The following NHSL1 variants were observed in gnomAD, a reference collection of about 807,000 sequenced individuals.
NHSL1 encodes the protein NHS-like protein 1.
A neutral mutation model predicts 95.0 loss-of-function variants in NHSL1; 48 were observed. The observed-to-expected ratio is 0.51, with a 90% CI of 0.40 to 0.64. The LOEUF (loss-of-function observed/expected upper bound fraction) is 0.64, where lower values mean the gene tolerates loss of function less well. Ranked by LOEUF, NHSL1 falls within the 30% of genes least tolerant of loss-of-function variation. The pLI, the probability that NHSL1 is intolerant of heterozygous loss-of-function variation, is 0.00. For synonymous variants in NHSL1, 783 were observed against 833.9 expected (o/e 0.94, Z 1.05); for missense variants, 1,971 against 2,077.7 (o/e 0.95, Z 1.00).
chr6:138,578,585 A>C (rs1048401891), intron 1 of NHSL1, among the ~76,000 whole-genome samples: 1 of 152,214 alleles, frequency 6.6e-6, no homozygotes, highest in African/African-American at 2.4e-5. Context: ...ATAAAATTCC[A>C]AATAAATAAC....
At chr6:138,563,389 C>T (rs929728670) in intron 1 of NHSL1, among the ~76,000 whole-genome samples, 2 of 152,110 alleles carry the variant, frequency 1.3e-5, no homozygotes, top group South Asian at 2.1e-4. Flanking sequence ...TGAAGGATTA[C>T]GTAAAGGAAG....
intron 3 of NHSL1, chr6:138,464,361 T>G (rs757714444): frequency 1.4e-5 from 7 of 490,434 alleles, no homozygotes; most frequent in Non-Finnish European, 2.6e-5. Context: ...TTGCAGGTGG[T>G]CGCCATCGCT....
intron 1 of NHSL1, chr6:138,691,847 A>C: frequency 2.2e-6 from 1 of 454,538 alleles, no homozygotes; most frequent in Non-Finnish European, 4.4e-6. Context: ...GCCTGAACTC[A>C]AGGTCAACGT....
At chr6:138,429,895 TC>T in intron 6 of NHSL1, 52 bp from the exon 7 acceptor site, 1 of 1,517,098 alleles carries the variant, frequency 6.6e-7, no homozygotes, top group South Asian at 1.3e-5. Context: ...GGAATTTCAG[TC>T]CTCAGCCAAG....
chr6:138,671,520 G>C lies in NHSL1; in HGVS notation c.96+20956C>G, dbSNP rs373385467. ...AGAAGTAAACCAAGAAAGTGATTAG[G>C]GGAGACAGGCATCAGAAGAGAAAGG... On this transcript the variant is annotated intron_variant, in intron 1 of 3. Transcript: ENST00000491526. Among the ~76,000 whole-genome samples, 6 of 152,014 alleles carry C rather than the reference G, an allele frequency of 3.9e-5. No homozygotes were observed. In the East Asian group the frequency reaches 9.7e-4, roughly 25 times the overall value.
chr6:138,598,087 G>T (rs1463583179), intron 1 of NHSL1, among the ~76,000 whole-genome samples: 1 of 152,024 alleles, frequency 6.6e-6, no homozygotes, highest in Admixed American at 6.5e-5. Context: ...GATCATAGGA[G>T]CCAGGAGTTC....
chr6:138,642,824 G>A (rs865796279), intron 1 of NHSL1, among the ~76,000 whole-genome samples: 12 of 152,102 alleles, frequency 7.9e-5, no homozygotes, highest in African/African-American at 2.4e-4. Context: ...AGATAAGGGC[G>A]GTGGGTCGCT....
At chr6:138,454,206 T>TGTGTGC (rs1427621388) in intron 3 of NHSL1, among the ~76,000 whole-genome samples, 11 of 152,122 alleles carry the variant, frequency 7.2e-5, no homozygotes, top group Non-Finnish European at 1.0e-4. Flanking sequence ...TGTGTGTGCG[T>TGTGTGC]GCGTGCATAA....
intron 1 of NHSL1, among the ~76,000 whole-genome samples, chr6:138,519,118 G>C (rs534724343): frequency 6.6e-6 from 1 of 151,690 alleles, no homozygotes. Flanking sequence ...CATCTAATGG[G>C]AAAATATAAC....
At chr6:138,677,025 C>T (rs1785458000) in intron 1 of NHSL1, among the ~76,000 whole-genome samples, 1 of 152,210 alleles carries the variant, frequency 6.6e-6, no homozygotes, top group Non-Finnish European at 1.5e-5. Flanking sequence ...TTATACTGTA[C>T]TAACAGCTAA....
chr6:138,446,895 CA>C, intron 4 of NHSL1, 105 bp downstream of exon 4: 13 of 993,384 alleles, frequency 1.3e-5, no homozygotes, highest in Non-Finnish European at 2.0e-5. Context: ...AGTTGGACCA[CA>C]GCTATTCACC....
At chr6:138,625,920 G>C (rs1784731854) in intron 1 of NHSL1, among the ~76,000 whole-genome samples, 1 of 152,184 alleles carries the variant, frequency 6.6e-6, no homozygotes, top group Admixed American at 6.5e-5. Flanking sequence ...TGGGAATACA[G>C]GTGTGACCCA....
At chr6:138,529,725 C>A (rs1782057277) in intron 1 of NHSL1, among the ~76,000 whole-genome samples, 1 of 152,224 alleles carries the variant, frequency 6.6e-6, no homozygotes, top group Non-Finnish European at 1.5e-5. Context: ...ACTGACTCCT[C>A]ACCCACAGAA....
chr6:138,467,244 C>T (rs897311867), intron 3 of NHSL1, among the ~76,000 whole-genome samples: 3 of 152,004 alleles, frequency 2.0e-5, no homozygotes, highest in African/African-American at 7.2e-5. Flanking sequence ...GCTCCGCCCC[C>T]CGGGTTCACG....
At chr6:138,551,593 A>G (rs1313384184) in intron 1 of NHSL1, among the ~76,000 whole-genome samples, 1 of 152,196 alleles carries the variant, frequency 6.6e-6, no homozygotes, top group South Asian at 2.1e-4. Context: ...TTTCACCAGT[A>G]TTCTGAATCT....
At chr6:138,583,520 G>A (rs1054856887) in intron 1 of NHSL1, among the ~76,000 whole-genome samples, 7 of 152,114 alleles carry the variant, frequency 4.6e-5, no homozygotes, top group African/African-American at 1.4e-4. Context: ...GAGAGATGCT[G>A]CGCTTCACCC....
intron 4 of NHSL1, among the ~76,000 whole-genome samples, chr6:138,444,065 C>T (rs953219845): frequency 1.7e-4 from 26 of 152,248 alleles, no homozygotes; most frequent in African/African-American, 6.0e-4. Context: ...TGTACTTTAG[C>T]ATCCCCTATG....
intron 1 of NHSL1, among the ~76,000 whole-genome samples, chr6:138,570,548 C>G (rs1389449673): frequency 2.0e-5 from 3 of 152,196 alleles, no homozygotes; most frequent in African/African-American, 4.8e-5. Flanking sequence ...CAATAAACAA[C>G]TGATATCTTC....
chr6:138,433,357 C>G lies in NHSL1; in HGVS notation c.988G>C (p.Ala330Pro). ...AGFHSLPRSG[A>P]RANIQSLEPR... ...TCAAGGGACTGAATGTTTGCCCTTGCTCCAGAACGCGGAAGACTATGGAAG... is the reference window on the plus strand; with the variant it reads ...TCAAGGGACTGAATGTTTGCCCTTGGTCCAGAACGCGGAAGACTATGGAAG... Residue 330 changes from alanine (A) to proline (P), a missense_variant, in exon 6 of 8, where the codon GCA becomes CCA. Around this residue, in one of 3 missense-constraint regions of NHSL1, gnomAD observed 1,602 missense variants for 1,654.5 expected, o/e 0.97. Transcript: ENST00000343505. 6.4e-7 allele frequency: 1 copy of G among 1,552,178 alleles called. No homozygotes were observed. Among genetic ancestry groups the G allele is most frequent in the South Asian group, 1.2e-5 (1 of 84,058 alleles).
Sources: gnomAD v4.1 joint callset for allele counts (sites outside exome capture counted in the v4.1 genomes callset) on GRCh38, gnomAD v4.1.1 for gene constraint, gnomAD v4.1.1 regional missense constraint, MANE v1.5 for transcripts, NCBI Gene and HGNC (gene_info 2026-07-23, HGNC 2026-07-21) for gene names.